The following MAP2K4 variants were observed in gnomAD, a reference collection of about 807,000 sequenced individuals.
MAP2K4 encodes the protein dual specificity mitogen-activated protein kinase kinase 4.
Under a neutral mutation model 48.5 loss-of-function variants are expected in MAP2K4, and 4 were observed. The ratio of observed to expected loss-of-function variants is 0.08; its 90% CI spans 0.04 to 0.19. The LOEUF (loss-of-function observed/expected upper bound fraction) is 0.19. MAP2K4 is among the 10% of genes least tolerant of loss of function. MAP2K4 has a pLI of 1.00. For synonymous variants in MAP2K4, 166 were observed against 173.1 expected (o/e 0.96, Z 0.32); for missense variants, 258 against 493.3 (o/e 0.52, Z 4.52).
intron 8 of MAP2K4, among the ~76,000 whole-genome samples, 164 bp from the exon 9 acceptor site, chr17:12,128,975 A>G (rs1597497383): frequency 2.0e-5 from 3 of 152,186 alleles, no homozygotes; most frequent in East Asian, 1.9e-4. Context: ...TATAACTTCT[A>G]CTTAGCCTTT....
At chr17:12,121,873 A>G (rs923029834) in intron 7 of MAP2K4, among the ~76,000 whole-genome samples, 1 of 152,206 alleles carries the variant, frequency 6.6e-6, no homozygotes. Flanking sequence ...AAGCAGTTAA[A>G]ACAGTTGCAG....
intron 7 of MAP2K4, among the ~76,000 whole-genome samples, chr17:12,118,375 A>G (rs1209132990): frequency 6.6e-6 from 1 of 152,136 alleles, no homozygotes. Context: ...TAGGAGGCAA[A>G]AGCTTGCATC....
At position 12,125,336 on chromosome 17, in the gene MAP2K4, G is replaced by A. The variant is rs537815982; in HGVS notation, c.856G>A (p.Val286Ile). The change falls in exon 8 of 11, where the codon GTC (valine) becomes ATC (isoleucine). Residue 286 changes from valine to isoleucine, a missense_variant. Around this residue, in one of 3 missense-constraint regions of MAP2K4, gnomAD observed 132 missense variants for 352.8 expected, o/e 0.37. Coordinates refer to ENST00000353533, the MANE Select transcript of MAP2K4 (RefSeq NM_003010.4). ...AAGCGCATCACGACAAGGATATGAT[G>A]TCCGCTCTGATGTCTGGAGTTTGGG... ...DPSASRQGYDVRSDVWSLGIT... is the reference protein window; with the variant it reads ...DPSASRQGYDIRSDVWSLGIT... 8.1e-6 allele frequency: 13 copies of A among 1,614,012 alleles called. No individual in the cohort carries two copies. The highest frequency in any genetic ancestry group is 4.4e-5 in the South Asian group (4 of 91,086).
chr17:12,076,283 G>T (rs1255111831), intron 2 of MAP2K4, among the ~76,000 whole-genome samples: 2 of 117,780 alleles, frequency 1.7e-5, no homozygotes, highest in African/African-American at 7.3e-5. Flanking sequence ...ACAGTTCTGT[G>T]TGTGTGTGTG....
intron 7 of MAP2K4, among the ~76,000 whole-genome samples, chr17:12,113,725 T>G (rs1285017036): frequency 2.0e-5 from 3 of 152,218 alleles, no homozygotes; most frequent in Admixed American, 2.0e-4. Flanking sequence ...GAATTCACTA[T>G]GTATTACAGA....
At position 12,081,993 on chromosome 17, in the gene MAP2K4, G is replaced by C; in HGVS notation, c.393+463G>C. The C allele has an allele frequency of 1.9e-6, 1 of 529,494 alleles. No individual in the cohort carries two copies. 32.8% of individuals were successfully genotyped at this position (529,494 alleles called of 1,614,324 possible). A position where few individuals can be genotyped will look rare whatever the true frequency, so the allele number is the denominator to read the frequency against. ...GTTGCCACTAACCTCAACCTTACTC[G>C]GTCCTGACCGGCTCGGCTTCTGTTT... On this transcript the variant is annotated intron_variant, in intron 3 of 10. Coordinates refer to ENST00000353533, the MANE Select transcript of MAP2K4 (RefSeq NM_003010.4). The surrounding 1 kb of genome is among the most constrained non-coding windows in gnomAD (Gnocchi z 4.2).
intron 9 of MAP2K4, among the ~76,000 whole-genome samples, chr17:12,135,501 GGATTACAGTGGCGTGA>G (rs1304058854): frequency 6.6e-6 from 1 of 152,180 alleles, no homozygotes; most frequent in East Asian, 1.9e-4. Flanking sequence ...CGGAGTATTG[GGATTACAGTGGCGTGA>G]GCCACTGTAC....
chr17:12,126,399 C>T (rs1247570586), intron 8 of MAP2K4, among the ~76,000 whole-genome samples: 1 of 152,194 alleles, frequency 6.6e-6, no homozygotes, highest in Non-Finnish European at 1.5e-5. Context: ...CAAATGCTGA[C>T]CTCTGGGCTA....
At chr17:12,076,830 G>A (rs973007869) in intron 2 of MAP2K4, among the ~76,000 whole-genome samples, 1 of 150,964 alleles carries the variant, frequency 6.6e-6, no homozygotes, top group Non-Finnish European at 1.5e-5. Flanking sequence ...GGACACCAGA[G>A]TTACGGATTT....
At chr17:12,101,764 A>T (rs1971945981) in intron 4 of MAP2K4, among the ~76,000 whole-genome samples, 1 of 152,058 alleles carries the variant, frequency 6.6e-6, no homozygotes, top group Non-Finnish European at 1.5e-5. Context: ...AGTTGCCCTT[A>T]AGTGTATAAT....
chr17:12,140,033 A>G, intron 10 of MAP2K4, 149 bp downstream of exon 10: 1 of 536,914 alleles, frequency 1.9e-6, no homozygotes, highest in Non-Finnish European at 3.2e-6. Flanking sequence ...TTACACAAAG[A>G]TTTGGAAAGA....
At chr17:12,124,562 T>C (rs1183569233) in intron 7 of MAP2K4, 1 of 152,258 alleles carries the variant, frequency 6.6e-6, no homozygotes, top group African/African-American at 2.4e-5. Flanking sequence ...AAATATATTG[T>C]GGTATGGCCT....
At chr17:12,042,702 C>T (rs976792215) in intron 1 of MAP2K4, among the ~76,000 whole-genome samples, 3 of 151,778 alleles carry the variant, frequency 2.0e-5, no homozygotes, top group African/African-American at 7.3e-5. Context: ...AAGGTAGACT[C>T]TCTGACTTTC....
intron 1 of MAP2K4, among the ~76,000 whole-genome samples, chr17:12,047,714 A>G (rs1970013231): frequency 6.6e-6 from 1 of 152,212 alleles, no homozygotes; most frequent in South Asian, 2.1e-4. Flanking sequence ...TTCTCTAGAG[A>G]ATTTAATACT....
At position 12,081,682 on chromosome 17, in the gene MAP2K4, G is replaced by A. The variant is rs1466014989; in HGVS notation, c.393+152G>A. On this transcript the variant is annotated intron_variant, in intron 3 of 10. Coordinates refer to ENST00000353533, the MANE Select transcript of MAP2K4 (RefSeq NM_003010.4). This position sits in a 1 kb window ranked among gnomAD's most constrained non-coding sequence, Gnocchi z 4.2. ...AACTCCTTTGAGGGTGTTCTGTGTA[G>A]AGGTTTCTTATTGGTGGCACATTTT... 4.1e-6 allele frequency: 3 copies of A among 725,194 alleles called. No homozygotes were observed. Among genetic ancestry groups the A allele is most frequent in the African/African-American group, 1.8e-5 (1 of 55,976 alleles). The allele number at this position is 725,194 out of a possible 1,614,324, so 44.9% of individuals were successfully genotyped here. A position where few individuals can be genotyped will look rare whatever the true frequency, so the allele number is the denominator to read the frequency against.
intron 7 of MAP2K4, among the ~76,000 whole-genome samples, 177 bp downstream of exon 7, chr17:12,113,537 C>T (rs1372486493): frequency 1.3e-5 from 2 of 152,200 alleles, no homozygotes; most frequent in African/African-American, 4.8e-5. Flanking sequence ...TTATCCCAGT[C>T]AGCTCCTGTT....
intron 4 of MAP2K4, among the ~76,000 whole-genome samples, chr17:12,103,233 G>A (rs1207556842): frequency 2.7e-5 from 4 of 148,348 alleles, no homozygotes; most frequent in Non-Finnish European, 6.0e-5. Flanking sequence ...TTTTTTTGGA[G>A]GTGGGGTCTC....
At position 12,054,811 on chromosome 17, in the gene MAP2K4, T is replaced by C. The variant is rs1970238360; in HGVS notation, c.116-78T>C. 4.9e-6 allele frequency: 4 copies of C among 818,884 alleles called. No homozygotes were observed. In the East Asian group the frequency reaches 7.9e-5, roughly 16 times the overall value. The allele number at this position is 818,884 out of a possible 1,614,324, so 50.7% of individuals were successfully genotyped here. A position where few individuals can be genotyped will look rare whatever the true frequency, so the allele number is the denominator to read the frequency against. ...TAAAGCAAGTTCTCTTGCCTTTTGG[T>C]GTGACTTTCTTATGCCCTCAGAATA... On this transcript the variant is annotated intron_variant, in intron 1 of 10. Transcript: ENST00000353533.
At chr17:12,050,152 A>G (rs1432141815) in intron 1 of MAP2K4, among the ~76,000 whole-genome samples, 3 of 152,216 alleles carry the variant, frequency 2.0e-5, no homozygotes, top group Non-Finnish European at 4.4e-5. Flanking sequence ...CTGACCATAC[A>G]GGTAACAGAA....
Sources: allele counts gnomAD v4.1 joint callset (sites outside exome capture counted in the v4.1 genomes callset), GRCh38; gene constraint gnomAD v4.1.1; regional missense constraint gnomAD v4.1.1; non-coding constraint Gnocchi (gnomAD v3.1); transcripts MANE v1.5; gene names NCBI Gene and HGNC (gene_info 2026-07-23, HGNC 2026-07-21).